The following KIZ variants were observed in gnomAD, a reference collection of about 807,000 sequenced individuals.
KIZ encodes the protein centrosomal protein kizuna.
Under a neutral mutation model 79.6 loss-of-function variants are expected in KIZ, and 68 were observed. The ratio of observed to expected loss-of-function variants is 0.85; its 90% CI spans 0.70 to 1.05. The LOEUF is 1.05. KIZ is among the 50% of genes least tolerant of loss of function. The pLI, the probability that KIZ is intolerant of heterozygous loss-of-function variation, is 0.00. For missense variants in KIZ, 797 were observed against 800.4 expected (o/e 1.00, Z 0.05); for synonymous variants, 280 against 281.8 (o/e 0.99, Z 0.06).
At position 21,136,463 on chromosome 20, in the gene KIZ, C is replaced by T. The variant is rs202210819; in HGVS notation, c.226C>T (p.Arg76Ter). ...ICESEKKAHT[R>*]NQEYLKRFER... The stretch of plus-strand genomic sequence containing the variant: ...TGAATCTGAAAAGAAGGCTCATACT[C>T]GAAACCAAGAATATTTAAAGCGATT... The change falls in exon 3 of 13, where the codon CGA becomes TGA. Residue 76 changes from arginine to a stop codon, truncating the protein, a stop_gained. Transcript: ENST00000619189. LOFTEE classifies it high-confidence loss of function. 2.1e-4 allele frequency: 329 copies of T among 1,587,168 alleles called. No individual in the cohort carries two copies. The highest frequency in any genetic ancestry group is 1.2e-3 in the Admixed American group (67 of 56,940).
intron 6 of KIZ, among the ~76,000 whole-genome samples, chr20:21,164,506 A>G (rs545148020): frequency 6.6e-6 from 1 of 152,270 alleles, no homozygotes; most frequent in South Asian, 2.1e-4. Context: ...TGGAGGTAGA[A>G]TGTTATCTAT....
At chr20:21,199,774 A>G (rs112291039) in intron 6 of KIZ, among the ~76,000 whole-genome samples, 2,215 of 152,222 alleles carry the variant, frequency 0.015, 47 homozygotes, top group African/African-American at 0.05. Context: ...GGAGAGAATG[A>G]TTTATTCTTG....
At chr20:21,181,477 T>A (rs2034652144) in intron 6 of KIZ, among the ~76,000 whole-genome samples, 2 of 151,982 alleles carry the variant, frequency 1.3e-5, no homozygotes, top group South Asian at 2.1e-4. Context: ...TTTTTTTTTT[T>A]AGACAGGGTC....
At position 21,238,306 on chromosome 20, in the gene KIZ, A is replaced by G. The variant is rs143273367; in HGVS notation, c.1880+5476A>G. On this transcript the variant is annotated intron_variant, in intron 11 of 12. Coordinates refer to ENST00000619189, the MANE Select transcript of KIZ (RefSeq NM_018474.6). ...GTACTTGAGCTGCAGGGAATCATGC[A>G]TTTCGTACAGTTATCTGCATAAGGG... Among the ~76,000 whole-genome samples the G allele has an allele frequency of 3.7e-4, 56 of 151,074 alleles. No homozygotes were observed. The East Asian group carries it at 9.4e-3, about 25-fold the overall frequency.
At chr20:21,205,390 C>G in intron 6 of KIZ, 101 bp from the exon 7 acceptor site, 1 of 543,114 alleles carries the variant, frequency 1.8e-6, no homozygotes, top group Non-Finnish European at 3.3e-6. Flanking sequence ...TTCCAGACTT[C>G]TGGATAAACC....
intron 7 of KIZ, among the ~76,000 whole-genome samples, chr20:21,211,368 TC>T (rs1379529021): frequency 2.6e-5 from 4 of 152,230 alleles, no homozygotes; most frequent in African/African-American, 9.6e-5. Context: ...TTCTCCTGGC[TC>T]CTGGGGAGGC....
chr20:21,148,196 A>C (rs1216268771), intron 4 of KIZ, among the ~76,000 whole-genome samples: 4 of 152,150 alleles, frequency 2.6e-5, no homozygotes, highest in African/African-American at 9.7e-5. Context: ...GGAAAACACT[A>C]ACAAAGGGGA....
At chr20:21,166,265 C>T in intron 6 of KIZ, 1 of 1,598,454 alleles carries the variant, frequency 6.3e-7, no homozygotes. Context: ...TCTTCATGGT[C>T]CATGATGCCA....
intron 11 of KIZ, 43 bp from the exon 12 acceptor site, chr20:21,244,200 TTG>T (rs770007260): frequency 7.3e-7 from 1 of 1,376,142 alleles, no homozygotes; most frequent in Non-Finnish European, 1.0e-6. Flanking sequence ...ATTAGTCTCA[TTG>T]TCTTTTCTTT....
intron 4 of KIZ, among the ~76,000 whole-genome samples, chr20:21,157,848 T>C (rs751236087): frequency 6.6e-6 from 1 of 152,188 alleles, no homozygotes; most frequent in Non-Finnish European, 1.5e-5. Context: ...CTGTGCTGGG[T>C]TAGTCGTTGC....
At chr20:21,223,544 G>A (rs2036565317) in intron 9 of KIZ, among the ~76,000 whole-genome samples, 1 of 151,722 alleles carries the variant, frequency 6.6e-6, no homozygotes, top group Non-Finnish European at 1.5e-5. Context: ...AGTGATTCTG[G>A]TTACGGACCC....
intron 1 of KIZ, among the ~76,000 whole-genome samples, chr20:21,130,884 GA>G (rs1375630760): frequency 6.6e-6 from 1 of 152,172 alleles, no homozygotes; most frequent in Non-Finnish European, 1.5e-5. Flanking sequence ...TGATAATTAA[GA>G]GCTCACAAAT....
At chr20:21,175,789 C>T (rs2034406991) in intron 6 of KIZ, among the ~76,000 whole-genome samples, 1 of 152,108 alleles carries the variant, frequency 6.6e-6, no homozygotes, top group Admixed American at 6.5e-5. Flanking sequence ...CTGAGGCAGG[C>T]ATATCACTTG....
intron 6 of KIZ, among the ~76,000 whole-genome samples, chr20:21,184,069 C>A (rs115927909): frequency 6.6e-6 from 1 of 151,810 alleles, no homozygotes; most frequent in Non-Finnish European, 1.5e-5. Flanking sequence ...AGTAGTGGTT[C>A]GTCAGAATAA....
intron 11 of KIZ, among the ~76,000 whole-genome samples, chr20:21,235,642 C>G (rs2036980018): frequency 6.6e-6 from 1 of 152,200 alleles, no homozygotes; most frequent in Non-Finnish European, 1.5e-5. Context: ...TAAAAGCCTG[C>G]CCTTAGCTTA....
chr20:21,142,945 T>G (rs1447120838), intron 3 of KIZ, among the ~76,000 whole-genome samples: 2 of 152,182 alleles, frequency 1.3e-5, no homozygotes, highest in African/African-American at 2.4e-5. Context: ...ACAGACATTG[T>G]GAGCAGGGCA....
At chr20:21,227,826 T>C (rs1326233376) in intron 9 of KIZ, among the ~76,000 whole-genome samples, 1 of 152,188 alleles carries the variant, frequency 6.6e-6, no homozygotes, top group Non-Finnish European at 1.5e-5. Context: ...GTGTCTGATG[T>C]TTTCTTTATC....
intron 12 of KIZ, chr20:21,246,272 A>G: frequency 1.8e-6 from 1 of 558,296 alleles, no homozygotes; most frequent in Non-Finnish European, 3.1e-6. Context: ...GTTTTCCATA[A>G]CAGTGCAGAG....
At chr20:21,143,084 G>T (rs1027996601) in intron 3 of KIZ, among the ~76,000 whole-genome samples, 2 of 152,048 alleles carry the variant, frequency 1.3e-5, no homozygotes, top group African/African-American at 2.4e-5. Context: ...AAAAGTTCAC[G>T]ATCTAAGAGG....
Sources: allele counts gnomAD v4.1 joint callset (sites outside exome capture counted in the v4.1 genomes callset), GRCh38; gene constraint gnomAD v4.1.1; transcripts MANE v1.5; gene names NCBI Gene and HGNC (gene_info 2026-07-23, HGNC 2026-07-21).